Variants in ARAP2 observed in about 807,000 individuals in gnomAD.
ARAP2 encodes the protein arf-GAP with Rho-GAP domain, ANK repeat and PH domain-containing protein 2.
A neutral mutation model predicts 194.5 loss-of-function variants in ARAP2; 148 were observed. That is an observed-to-expected ratio of 0.76 (90% CI 0.67 to 0.87). ARAP2 has a LOEUF of 0.87. ARAP2 is among the 40% of genes least tolerant of loss of function. The probability of loss-of-function intolerance (pLI) is 0.00; values close to 1 mark genes in which losing one functional copy is unlikely to be tolerated. For missense variants in ARAP2, 2,128 were observed against 1,989.7 expected, an observed-to-expected ratio of 1.07 and a Z score of -1.32; for synonymous variants, 695 against 683.5, an observed-to-expected ratio of 1.02 and a Z score of -0.26.
intron 5 of ARAP2, among the ~76,000 whole-genome samples, chr4:36,027,732 G>A (rs1718177709): frequency 6.6e-6 from 1 of 152,116 alleles, no homozygotes; most frequent in East Asian, 1.9e-4. Context: ...GAGAGGTTAA[G>A]TGACTTACCC....
At chr4:36,159,194 G>A (rs1174337185) in intron 14 of ARAP2, 137 bp downstream of exon 14, 2 of 876,308 alleles carry the variant, frequency 2.3e-6, no homozygotes, top group South Asian at 3.0e-5. Context: ...ATAGTCTTAG[G>A]CATCTCCATC....
chr4:36,076,114 T>C (rs996577851), intron 31 of ARAP2, among the ~76,000 whole-genome samples: 3 of 152,184 alleles, frequency 2.0e-5, no homozygotes, highest in Non-Finnish European at 4.4e-5. Context: ...TTGCAATCAG[T>C]ATTTGCTGAT....
At chr4:36,111,827 T>C (rs1346223984) in intron 26 of ARAP2, among the ~76,000 whole-genome samples, 1 of 151,922 alleles carries the variant, frequency 6.6e-6, no homozygotes, top group African/African-American at 2.4e-5. Flanking sequence ...TTGCTCCTCT[T>C]AGGATGGCCA....
chr4:36,165,162 A>G, intron 10 of ARAP2, 49 bp from the exon 11 acceptor site: 1 of 1,567,334 alleles, frequency 6.4e-7, no homozygotes, highest in Non-Finnish European at 8.8e-7. Flanking sequence ...GTAAAGGCCA[A>G]TTAAGCAGTA....
intron 7 of ARAP2, among the ~76,000 whole-genome samples, chr4:36,191,050 T>G (rs967322251): frequency 6.6e-6 from 1 of 152,142 alleles, no homozygotes. Flanking sequence ...TTGGGGACAG[T>G]GTAAGAGCCC....
intron 1 of ARAP2, among the ~76,000 whole-genome samples, chr4:36,237,019 A>G (rs376188453): frequency 4.6e-5 from 7 of 152,346 alleles, no homozygotes; most frequent in South Asian, 4.1e-4. Context: ...GGCTAAACCT[A>G]TAAGTCTACA....
intron 1 of ARAP2, among the ~76,000 whole-genome samples, chr4:36,240,145 G>T (rs1753241331): frequency 6.6e-6 from 1 of 151,846 alleles, no homozygotes; most frequent in Non-Finnish European, 1.5e-5. Flanking sequence ...AATTAAACAA[G>T]TAAAAATTTA....
intron 19 of ARAP2, among the ~76,000 whole-genome samples, chr4:36,145,816 A>G (rs1041689949): frequency 6.6e-6 from 1 of 151,566 alleles, no homozygotes; most frequent in Non-Finnish European, 1.5e-5. Context: ...TATGTCTTCA[A>G]CTCTCTTTTC....
Position 36,228,944 on chromosome 4 carries a change from C to CA in ARAP2, c.542dup (p.Leu181PhefsTer12), listed in dbSNP as rs772814404. 1 of 1,613,998 alleles carries CA rather than the reference C, an allele frequency of 6.2e-7. No homozygotes were observed. Among genetic ancestry groups the CA allele is most frequent in the Non-Finnish European group, 8.5e-7 (1 of 1,179,960 alleles). On this transcript the variant is annotated frameshift_variant, in exon 2 of 33. Coordinates refer to ENST00000303965, the MANE Select transcript of ARAP2 (RefSeq NM_015230.4). LOFTEE classifies it high-confidence loss of function. ...TGTGATCCACAGTCTTCTTTGTAAT[C>CA]AATGATTCTATTTTAATATTGTCAC...
intron 25 of ARAP2, among the ~76,000 whole-genome samples, chr4:36,115,262 A>C (rs541083109): frequency 6.6e-6 from 1 of 152,124 alleles, no homozygotes; most frequent in African/African-American, 2.4e-5. Context: ...AATGAAGTCC[A>C]CTATTTTCTA....
chr4:36,210,365 A>G (rs745702147), intron 6 of ARAP2, 25 bp downstream of exon 6: 1 of 1,543,838 alleles, frequency 6.5e-7, no homozygotes, highest in East Asian at 2.3e-5. Flanking sequence ...TATGCCACTT[A>G]TGAAATAAAT....
intron 8 of ARAP2, among the ~76,000 whole-genome samples, chr4:36,014,251 AAGAAAGAAAG>A (rs1715162584): frequency 7.1e-6 from 1 of 140,798 alleles, no homozygotes; most frequent in Non-Finnish European, 1.5e-5. Flanking sequence ...GAAAGAAAGA[AAGAAAGAAAG>A]AAAGAAAGAA....
intron 29 of ARAP2, 28 bp from the exon 30 acceptor site, chr4:36,082,314 A>C (rs1296797671): frequency 6.3e-7 from 1 of 1,594,726 alleles, no homozygotes; most frequent in East Asian, 2.3e-5. Context: ...AAAAACACAC[A>C]TAAATTAAAA....
chr4:36,067,610 T>C lies in ARAP2; in HGVS notation c.*297A>G, dbSNP rs1725791132. On this transcript the variant is annotated 3_prime_UTR_variant, in exon 33 of 33. Transcript: ENST00000303965. ...GTTTGAGATTTCTGCTCATAAATTA[T>C]ACCACTTAACAGACAACTACTTTAA... is the stretch of plus-strand genomic sequence containing the variant. The C allele has an allele frequency of 8.6e-6, 2 of 232,666 alleles. No homozygotes were observed. The highest frequency in any genetic ancestry group is 5.1e-5 in the Admixed American group (1 of 19,486). 14.4% of individuals were successfully genotyped at this position (232,666 alleles called of 1,614,324 possible).
At chr4:36,177,637 G>A (rs538613455) in intron 9 of ARAP2, among the ~76,000 whole-genome samples, 190 bp downstream of exon 9, 25 of 152,000 alleles carry the variant, frequency 1.6e-4, no homozygotes, top group South Asian at 4.1e-4. Flanking sequence ...AAGTTTGATG[G>A]AGGTACTTTC....
At chr4:36,064,476 T>C (rs1041209501), downstream of ARAP2, among the ~76,000 whole-genome samples, 1 of 152,120 alleles carries the variant, frequency 6.6e-6, no homozygotes, top group Non-Finnish European at 1.5e-5. Flanking sequence ...TCCCTGCAGG[T>C]AGTGAATGGG....
intron 25 of ARAP2, among the ~76,000 whole-genome samples, chr4:36,114,819 T>G (rs988680714): frequency 6.6e-6 from 1 of 151,980 alleles, no homozygotes; most frequent in African/African-American, 2.4e-5. Context: ...CCAGGGCAGA[T>G]GTCAGAGTCT....
intron 9 of ARAP2, among the ~76,000 whole-genome samples, chr4:36,007,605 T>C (rs1294694469): frequency 6.6e-6 from 1 of 152,188 alleles, no homozygotes; most frequent in African/African-American, 2.4e-5. Flanking sequence ...GTTTCAGCAC[T>C]TTTTAAGCCA....
At chr4:36,171,205 A>G (rs1312451503) in intron 9 of ARAP2, among the ~76,000 whole-genome samples, 1 of 152,214 alleles carries the variant, frequency 6.6e-6, no homozygotes, top group East Asian at 1.9e-4. Context: ...ATGCTGCTAT[A>G]AAGACACATG....
Sources: allele counts gnomAD v4.1 joint callset (sites outside exome capture counted in the v4.1 genomes callset), GRCh38; gene constraint gnomAD v4.1.1; transcripts MANE v1.5; gene names NCBI Gene and HGNC (gene_info 2026-07-23, HGNC 2026-07-21).